Variants in SLC13A4 observed in about 807,000 individuals in gnomAD.
SLC13A4 encodes Na(+)/sulfate cotransporter SUT-1.
SLC13A4 carries 28 observed loss-of-function variants against 72.7 expected under a neutral mutation model. The observed-to-expected ratio is 0.39, with a 90% CI of 0.29 to 0.53. The LOEUF is 0.53. SLC13A4 is among the 20% of genes least tolerant of loss of function. The probability of loss-of-function intolerance (pLI) is 0.78; values close to 1 mark genes in which losing one functional copy is unlikely to be tolerated. For missense variants in SLC13A4, 653 were observed against 788.0 expected, an observed-to-expected ratio of 0.83 and a Z score of 2.05; for synonymous variants, 312 against 325.5, an observed-to-expected ratio of 0.96 and a Z score of 0.45.
chr7:135,715,771 G>A (rs558783172), intron 2 of SLC13A4, among the ~76,000 whole-genome samples: 2 of 152,258 alleles, frequency 1.3e-5, no homozygotes, highest in South Asian at 4.1e-4. Flanking sequence ...AACTTTTGGA[G>A]CAACACATTA....
intron 3 of SLC13A4, 72 bp from the exon 4 acceptor site, chr7:135,706,372 T>G: frequency 6.8e-7 from 1 of 1,476,352 alleles, no homozygotes; most frequent in Non-Finnish European, 9.2e-7. Context: ...GTGGGCCTCC[T>G]ACCAACCTGC....
chr7:135,691,442 G>A, intron 12 of SLC13A4, 106 bp downstream of exon 12: 3 of 558,652 alleles, frequency 5.4e-6, no homozygotes, highest in Non-Finnish European at 1.0e-5. Flanking sequence ...CGGGGGCCGG[G>A]AGGGGGGTGG....
At position 135,691,536 on chromosome 7, in the gene SLC13A4, C is replaced by T; in HGVS notation, c.1321+12G>A. The T allele has an allele frequency of 6.2e-7, 1 of 1,602,556 alleles. No individual in the cohort carries two copies. The highest frequency in any genetic ancestry group is 8.5e-7 in the Non-Finnish European group (1 of 1,169,646). On this transcript the variant is annotated intron_variant, in intron 12 of 15. Transcript: ENST00000682651. ...CAACTAGAGCTACCCCCAGTTTCTT[C>T]CCTTCTCTCACCATCATTCTTTTTC... is the stretch of plus-strand genomic sequence containing the variant.
At chr7:135,702,948 C>T in intron 5 of SLC13A4, 64 bp from the exon 6 acceptor site, 1 of 1,245,844 alleles carries the variant, frequency 8.0e-7, no homozygotes, top group South Asian at 1.2e-5. Context: ...GGGGAGGTCC[C>T]CCTGCATCAG....
chr7:135,710,014 ATATTTGTC>A (rs1796262720), intron 2 of SLC13A4, among the ~76,000 whole-genome samples: 1 of 152,234 alleles, frequency 6.6e-6, no homozygotes, highest in Non-Finnish European at 1.5e-5. Context: ...TGCTCAATAA[ATATTTGTC>A]ACATACATGA....
Position 135,691,225 on chromosome 7 carries a change from G to A in SLC13A4, c.1422C>T (p.Gly474=), listed in dbSNP as rs1477701101. The part of the protein sequence containing the change: ...PWEIVILVGG[G]YALASGSKSS... Reference sequence around the variant, plus strand: ...CCTTGCTACCAGAAGCCAGAGCATAGCCTCCCCCAACCAGAATGACAATCT... The same window carrying A: ...CCTTGCTACCAGAAGCCAGAGCATAACCTCCCCCAACCAGAATGACAATCT... The change falls in exon 13 of 16, where the codon GGC becomes GGT. Residue 474 remains glycine, a synonymous_variant. Transcript: ENST00000682651. The A allele has an allele frequency of 1.2e-6, 2 of 1,608,750 alleles. No homozygotes were observed. Among genetic ancestry groups the A allele is most frequent in the Non-Finnish European group, 1.7e-6 (2 of 1,178,522 alleles).
chr7:135,690,097 C>T (rs1795742170), intron 13 of SLC13A4, among the ~76,000 whole-genome samples: 1 of 142,066 alleles, frequency 7.0e-6, no homozygotes, highest in Admixed American at 7.6e-5. Context: ...ATGAGAATTG[C>T]TTGAACCTGG....
At chr7:135,709,107 AT>A (rs1377449196) in intron 2 of SLC13A4, among the ~76,000 whole-genome samples, 2 of 150,720 alleles carry the variant, frequency 1.3e-5, no homozygotes, top group Non-Finnish European at 3.0e-5. Flanking sequence ...TTTTTTTTGT[AT>A]TTTTAGTAGA....
intron 13 of SLC13A4, among the ~76,000 whole-genome samples, chr7:135,687,178 G>A (rs1298278647): frequency 6.6e-6 from 1 of 152,204 alleles, no homozygotes; most frequent in Non-Finnish European, 1.5e-5. Flanking sequence ...GTATCATTGA[G>A]TTTTGTATTA....
chr7:135,726,513 AG>A (rs1322294399), intron 1 of SLC13A4, among the ~76,000 whole-genome samples: 1 of 152,192 alleles, frequency 6.6e-6, no homozygotes, highest in Non-Finnish European at 1.5e-5. Context: ...TAAAGTCTCC[AG>A]GGCAGTGCCA....
At position 135,689,524 on chromosome 7, in the gene SLC13A4, T is replaced by C. The variant is rs563965234; in HGVS notation, c.1446+1677A>G. On this transcript the variant is annotated intron_variant, in intron 13 of 15. Coordinates refer to ENST00000682651, the MANE Select transcript of SLC13A4 (RefSeq NM_001318192.2). ...ACTTGGCAGTAGACTGACCACCCCA[T>C]AGACTATGTTTGAATAAGGCCAAGT... Among the ~76,000 whole-genome samples the C allele has an allele frequency of 2.0e-5, 3 of 152,260 alleles. No individual in the cohort carries two copies. The South Asian group carries it at 6.2e-4, about 32-fold the overall frequency.
Position 135,708,263 on chromosome 7 carries a change from C to T in SLC13A4, c.229-13G>A, listed in dbSNP as rs199702706. On this transcript the variant is annotated splice_polypyrimidine_tract_variant and intron_variant, in intron 2 of 15. Transcript: ENST00000682651. ...ACTCCGCCGCCACCTGTAGGGAGGC[C>T]AGGCATGTCAGTCACCCTCCCGGAC... 1.9e-6 allele frequency: 3 copies of T among 1,613,964 alleles called. No individual in the cohort carries two copies. The highest frequency in any genetic ancestry group is 1.7e-5 in the Admixed American group (1 of 60,012).
intron 13 of SLC13A4, among the ~76,000 whole-genome samples, chr7:135,686,128 CT>C (rs1402491034): frequency 6.6e-6 from 1 of 152,182 alleles, no homozygotes; most frequent in Non-Finnish European, 1.5e-5. Flanking sequence ...ATTTTGTTAC[CT>C]AAAAAAGGGA....
At position 135,699,348 on chromosome 7, in the gene SLC13A4, C is replaced by A; in HGVS notation, c.899+16G>T. 1 of 1,600,300 alleles carries A rather than the reference C, an allele frequency of 6.2e-7. No homozygotes were observed. Among genetic ancestry groups the A allele is most frequent in the Non-Finnish European group, 8.5e-7 (1 of 1,171,966 alleles). ...TGGTGGTTAGTAAATATTTGTTGACCAAGTGAATCACTTACTTGTTGAAGT... is the reference window on the plus strand; with the variant it reads ...TGGTGGTTAGTAAATATTTGTTGACAAAGTGAATCACTTACTTGTTGAAGT... On this transcript the variant is annotated intron_variant, in intron 8 of 15. Coordinates refer to ENST00000682651, the MANE Select transcript of SLC13A4 (RefSeq NM_001318192.2).
intron 13 of SLC13A4, among the ~76,000 whole-genome samples, 190 bp from the exon 14 acceptor site, chr7:135,685,873 T>A (rs571879597): frequency 6.6e-6 from 1 of 152,228 alleles, no homozygotes; most frequent in Non-Finnish European, 1.5e-5. Flanking sequence ...GAAAATTGGT[T>A]TTTATGATTG....
intron 2 of SLC13A4, among the ~76,000 whole-genome samples, chr7:135,711,746 T>G (rs1796307161): frequency 1.3e-5 from 2 of 152,108 alleles, no homozygotes; most frequent in South Asian, 4.1e-4. Flanking sequence ...ACATTTCTTG[T>G]CGTGTTTTTG....
chr7:135,727,529 C>T lies in SLC13A4; in HGVS notation c.-33G>A. The T allele has an allele frequency of 1.3e-6, 2 of 1,529,636 alleles. No individual in the cohort carries two copies. The allele number at this position is 1,529,636 out of a possible 1,614,324, so 94.8% of individuals were successfully genotyped here. ...CTGTCCTCTCCAGCTCGTCCTTGGA[C>T]CCCGCTCTGCCGGCGAAAGGCTTCC... is the stretch of plus-strand genomic sequence containing the variant. On this transcript the variant is annotated 5_prime_UTR_variant, in exon 1 of 16. Transcript: ENST00000682651.
At chr7:135,694,336 C>T (rs1280869638) in intron 9 of SLC13A4, 98 bp from the exon 10 acceptor site, 1 of 720,848 alleles carries the variant, frequency 1.4e-6, no homozygotes, top group East Asian at 2.6e-5. Flanking sequence ...CTGCTGTGGT[C>T]ACTTTTCTCC....
chr7:135,718,913 C>G (rs1458648796), intron 2 of SLC13A4, among the ~76,000 whole-genome samples: 1 of 152,162 alleles, frequency 6.6e-6, no homozygotes, highest in Non-Finnish European at 1.5e-5. Flanking sequence ...AGGGCTATAA[C>G]CCATGTGCTC....
Sources: gnomAD v4.1 joint callset for allele counts (sites outside exome capture counted in the v4.1 genomes callset) on GRCh38, gnomAD v4.1.1 for gene constraint, MANE v1.5 for transcripts, NCBI Gene and HGNC (gene_info 2026-07-23, HGNC 2026-07-21) for gene names.